NRG1: variants seen among roughly 807,000 people sequenced by gnomAD.
NRG1 encodes the protein neuregulin 1, also known as pro-neuregulin-1, membrane-bound isoform.
In NRG1, 18 loss-of-function variants were observed where a neutral mutation model predicts 63.8. The observed-to-expected ratio is 0.28, with a 90% CI of 0.19 to 0.42. The LOEUF (loss-of-function observed/expected upper bound fraction) is 0.42. NRG1 is among the 10% of genes least tolerant of loss of function. The pLI is 1.00. For synonymous variants in NRG1, 302 were observed against 301.3 expected (o/e 1.00, Z -0.02); for missense variants, 762 against 814.7 (o/e 0.94, Z 0.79).
exon 1 of NRG1, chr8:32,548,389 G>A (rs1016346209): frequency 1.5e-5 from 16 of 1,056,974 alleles, no homozygotes; most frequent in South Asian, 4.5e-5. Flanking sequence ...AGCGTGAGCA[G>A]GACGGTGATA....
chr8:32,566,176 GC>G (rs1273544721), intron 1 of NRG1, among the ~76,000 whole-genome samples: 1 of 151,972 alleles, frequency 6.6e-6, no homozygotes, highest in Non-Finnish European at 1.5e-5. Flanking sequence ...GACCAACATG[GC>G]GAAACCCCAT....
intron 5 of NRG1, among the ~76,000 whole-genome samples, chr8:32,672,600 T>G (rs1805976391): frequency 6.6e-6 from 1 of 152,200 alleles, no homozygotes; most frequent in South Asian, 2.1e-4. Context: ...ATGGATATTA[T>G]TGTAGCCAAA....
intron 1 of NRG1, among the ~76,000 whole-genome samples, chr8:32,483,911 T>A (rs1355824537): frequency 6.6e-6 from 1 of 152,176 alleles, no homozygotes; most frequent in Non-Finnish European, 1.5e-5. Context: ...GAGACCATCC[T>A]GGCTAACATG....
intron 5 of NRG1, among the ~76,000 whole-genome samples, chr8:32,715,641 C>CT (rs34392932): frequency 4.7e-5 from 6 of 126,654 alleles, no homozygotes; most frequent in East Asian, 4.4e-4. Flanking sequence ...AAATCAGGCC[C>CT]TTTTTTTTTT....
chr8:32,148,954 C>T (rs1437848179), intron 1 of NRG1, among the ~76,000 whole-genome samples: 1 of 152,140 alleles, frequency 6.6e-6, no homozygotes, highest in African/African-American at 2.4e-5. Flanking sequence ...TTACATTGGG[C>T]ATCTATCATC....
At chr8:32,717,587 C>A (rs965926587) in intron 5 of NRG1, among the ~76,000 whole-genome samples, 1 of 152,130 alleles carries the variant, frequency 6.6e-6, no homozygotes, top group Non-Finnish European at 1.5e-5. Flanking sequence ...TTTACTGCTT[C>A]GTTGCTTTCC....
chr8:32,752,206 T>C (rs1474608461), intron 7 of NRG1, among the ~76,000 whole-genome samples: 1 of 152,134 alleles, frequency 6.6e-6, no homozygotes, highest in Non-Finnish European at 1.5e-5. Flanking sequence ...GAAGGACCAG[T>C]GGGGTGACAG....
chr8:32,686,088 C>A (rs557933497), intron 5 of NRG1, among the ~76,000 whole-genome samples: 31 of 152,192 alleles, frequency 2.0e-4, no homozygotes, highest in Non-Finnish European at 3.7e-4. Context: ...TTAAGCATTT[C>A]TTTCTGTGGT....
intron 1 of NRG1, among the ~76,000 whole-genome samples, chr8:31,694,733 G>T (rs1809882819): frequency 6.6e-6 from 1 of 152,082 alleles, no homozygotes; most frequent in Non-Finnish European, 1.5e-5. Context: ...CAGGCTAGGG[G>T]GCTACAATTC....
chr8:31,756,711 A>G (rs1037014031), intron 1 of NRG1, among the ~76,000 whole-genome samples: 5 of 152,180 alleles, frequency 3.3e-5, no homozygotes, highest in African/African-American at 1.2e-4. Context: ...AGGATTAATC[A>G]AAAATGTTAC....
chr8:32,357,278 T>A (rs1219271965), intron 1 of NRG1, among the ~76,000 whole-genome samples: 1 of 152,134 alleles, frequency 6.6e-6, no homozygotes, highest in Admixed American at 6.6e-5. Flanking sequence ...AGAAAATAAA[T>A]GACTTATAAA....
chr8:31,989,648 T>G (rs1279468768), intron 1 of NRG1, among the ~76,000 whole-genome samples: 1 of 151,870 alleles, frequency 6.6e-6, no homozygotes, highest in East Asian at 1.9e-4. Flanking sequence ...AAAAATAATT[T>G]GCTTTTGCAC....
chr8:32,470,636 G>C (rs1456714985), intron 1 of NRG1, among the ~76,000 whole-genome samples: 2 of 152,132 alleles, frequency 1.3e-5, no homozygotes, highest in African/African-American at 4.8e-5. Flanking sequence ...GAGTGTGAGT[G>C]GGGGAGAGAG....
chr8:32,552,279 G>T (rs1450238043), intron 1 of NRG1, among the ~76,000 whole-genome samples: 1 of 142,356 alleles, frequency 7.0e-6, no homozygotes, highest in Non-Finnish European at 1.5e-5. Context: ...GTGATTCTCT[G>T]TCGATATGTT....
chr8:32,238,420 G>A (rs1847788880), intron 1 of NRG1, among the ~76,000 whole-genome samples: 1 of 147,992 alleles, frequency 6.8e-6, no homozygotes, highest in Non-Finnish European at 1.5e-5. Flanking sequence ...GTCCAGCCTG[G>A]ACAATAGAGA....
chr8:32,133,540 G>T (rs924242492), intron 1 of NRG1, among the ~76,000 whole-genome samples: 10 of 152,062 alleles, frequency 6.6e-5, no homozygotes, highest in African/African-American at 1.9e-4. Context: ...CCTTAGTATT[G>T]TTTCTTCCAA....
chr8:32,428,200 G>A (rs1376427660), intron 1 of NRG1, among the ~76,000 whole-genome samples: 1 of 152,170 alleles, frequency 6.6e-6, no homozygotes, highest in Non-Finnish European at 1.5e-5. Context: ...CATTTCGGTG[G>A]TAAAGCAAGT....
At chr8:32,634,300 A>G (rs1850913631) in intron 5 of NRG1, among the ~76,000 whole-genome samples, 1 of 152,106 alleles carries the variant, frequency 6.6e-6, no homozygotes, top group African/African-American at 2.4e-5. Flanking sequence ...GTGCTTTCAA[A>G]TACTGATTAA....
At chr8:32,281,490 T>G (rs1047183773) in intron 1 of NRG1, among the ~76,000 whole-genome samples, 1 of 152,030 alleles carries the variant, frequency 6.6e-6, no homozygotes, top group African/African-American at 2.4e-5. Flanking sequence ...TAGTTTTTCT[T>G]CCTCATCCTC....
Sources: gnomAD v4.1 joint callset for allele counts (sites outside exome capture counted in the v4.1 genomes callset) on GRCh38, gnomAD v4.1.1 for gene constraint, MANE v1.5 for transcripts, NCBI Gene and HGNC (gene_info 2026-07-23, HGNC 2026-07-21) for gene names.